Variants in CFAP43 observed in about 807,000 individuals in gnomAD.
CFAP43 encodes cilia and flagella associated protein 43.
A neutral mutation model predicts 218.9 loss-of-function variants in CFAP43; 155 were observed. The ratio of observed to expected loss-of-function variants is 0.71; its 90% CI spans 0.62 to 0.81. CFAP43 has a LOEUF of 0.81. CFAP43 is among the 30% of genes least tolerant of loss of function. The probability of loss-of-function intolerance (pLI) is 0.00; values close to 1 mark genes in which losing one functional copy is unlikely to be tolerated. For synonymous variants in CFAP43, 645 were observed against 681.3 expected, an observed-to-expected ratio of 0.95 and a Z score of 0.83; for missense variants, 1,778 against 1,954.3, an observed-to-expected ratio of 0.91 and a Z score of 1.70.
intron 33 of CFAP43, 70 bp from the exon 34 acceptor site, chr10:104,141,071 TA>T: frequency 6.9e-7 from 1 of 1,459,794 alleles, no homozygotes; most frequent in African/African-American, 1.4e-5. Context: ...TCTGAGAATA[TA>T]AAAATCGAAT....
chr10:104,198,182 C>T, intron 8 of CFAP43, 144 bp from the exon 9 acceptor site: 1 of 469,238 alleles, frequency 2.1e-6, no homozygotes, highest in Non-Finnish European at 3.8e-6. Context: ...AAGACCTTGA[C>T]CCTGAAGGGC....
At chr10:104,144,195 C>T (rs1269864838) in intron 31 of CFAP43, among the ~76,000 whole-genome samples, 1 of 152,192 alleles carries the variant, frequency 6.6e-6, no homozygotes, top group African/African-American at 2.4e-5. Flanking sequence ...GAGAGAAGCT[C>T]ATGGCCCAAG....
At chr10:104,229,073 A>C (rs753698741) in intron 2 of CFAP43, among the ~76,000 whole-genome samples, 1 of 152,210 alleles carries the variant, frequency 6.6e-6, no homozygotes, top group Non-Finnish European at 1.5e-5. Flanking sequence ...GGAAATTTTA[A>C]AGATAAAGGG....
In CFAP43 at chr10:104,140,991, C is replaced by G; in HGVS notation, c.4282G>C (p.Glu1428Gln). Residue 1428 changes from glutamate to glutamine, a missense_variant, in exon 34 of 38, where the codon GAG becomes CAG. Glu to Gln is a conservative substitution (Grantham distance 29). Transcript: ENST00000357060. ...VFHELILLQE[E>Q]KVRFQLNLTI... Reference sequence around the variant, plus strand: ...AAATTCAACTGGAATCTCACTTTCTCTTCCTGTAATCTGAATTGAAAAGTA... The same window carrying G: ...AAATTCAACTGGAATCTCACTTTCTGTTCCTGTAATCTGAATTGAAAAGTA... The G allele has an allele frequency of 6.2e-7, 1 of 1,610,368 alleles. No individual in the cohort carries two copies. The highest frequency in any genetic ancestry group is 8.5e-7 in the Non-Finnish European group (1 of 1,178,596).
intron 11 of CFAP43, chr10:104,192,587 G>A: frequency 3.0e-6 from 1 of 334,206 alleles, no homozygotes. Flanking sequence ...ATGTCTGTCG[G>A]TAGAGCTTTC....
intron 17 of CFAP43, among the ~76,000 whole-genome samples, chr10:104,181,154 C>A (rs1010686339): frequency 6.6e-6 from 1 of 152,116 alleles, no homozygotes. Flanking sequence ...CATAGCTGCC[C>A]CCTTCCCCCA....
chr10:104,188,127 G>A, intron 13 of CFAP43, 143 bp downstream of exon 13: 1 of 1,022,376 alleles, frequency 9.8e-7, no homozygotes, highest in Non-Finnish European at 1.4e-6. Flanking sequence ...TGTTTAGCAT[G>A]TTGGTTTTAC....
intron 17 of CFAP43, among the ~76,000 whole-genome samples, chr10:104,181,644 G>A (rs907873771): frequency 3.3e-5 from 5 of 152,110 alleles, no homozygotes; most frequent in African/African-American, 1.2e-4. Context: ...CAACTGCACA[G>A]GTCTTTTTTA....
intron 27 of CFAP43, among the ~76,000 whole-genome samples, chr10:104,158,392 C>T (rs1589664643): frequency 6.6e-6 from 1 of 152,224 alleles, no homozygotes; most frequent in Non-Finnish European, 1.5e-5. Flanking sequence ...AAATCTGGAA[C>T]CTCCTGATAC....
intron 19 of CFAP43, among the ~76,000 whole-genome samples, chr10:104,175,338 A>T (rs789208): frequency 0.48 from 72,296 of 151,866 alleles, 18,308 homozygotes; most frequent in African/African-American, 0.67. Flanking sequence ...GGTGAGAGGA[A>T]TGCTTGAGCC....
In CFAP43 at chr10:104,162,000, T is replaced by C; in HGVS notation, c.3375A>G (p.Gly1125=). 7 of 1,613,790 alleles carry C rather than the reference T, an allele frequency of 4.3e-6. No individual in the cohort carries two copies. Among genetic ancestry groups the C allele is most frequent in the African/African-American group, 1.3e-5 (1 of 75,004 alleles). The part of the protein sequence containing the change: ...TRLRALMDMM[G]GVLEVKKEDI... Reference sequence around the variant, plus strand: ...CTTCCTTCTTGACTTCCAGAACTCCTCCCATCATGTCCATCAGAGCTCGGA... The same window carrying C: ...CTTCCTTCTTGACTTCCAGAACTCCCCCCATCATGTCCATCAGAGCTCGGA... The change falls in exon 26 of 38, where the codon GGA becomes GGG. Residue 1125 remains glycine, a synonymous_variant. Coordinates refer to ENST00000357060, the MANE Select transcript of CFAP43 (RefSeq NM_025145.7).
chr10:104,163,287 A>G (rs1243386990), intron 24 of CFAP43, among the ~76,000 whole-genome samples: 1 of 152,200 alleles, frequency 6.6e-6, no homozygotes, highest in Non-Finnish European at 1.5e-5. Context: ...ACTTACAATG[A>G]TAAATTCATT....
chr10:104,179,535 C>T (rs1426537124), intron 18 of CFAP43, among the ~76,000 whole-genome samples: 2 of 152,292 alleles, frequency 1.3e-5, no homozygotes, highest in Non-Finnish European at 1.5e-5. Flanking sequence ...ACAAGCATCC[C>T]CTAAAACTCA....
chr10:104,197,287 A>C (rs2090407788), intron 9 of CFAP43, among the ~76,000 whole-genome samples: 1 of 152,174 alleles, frequency 6.6e-6, no homozygotes, highest in Non-Finnish European at 1.5e-5. Flanking sequence ...AAATTACTAG[A>C]ACTTATTTTT....
chr10:104,143,901 A>C (rs775063876), intron 31 of CFAP43, among the ~76,000 whole-genome samples: 1 of 152,220 alleles, frequency 6.6e-6, no homozygotes, highest in Non-Finnish European at 1.5e-5. Context: ...TGTCTGTGCT[A>C]GGACACATTT....
intron 33 of CFAP43, among the ~76,000 whole-genome samples, chr10:104,141,819 T>C (rs1300139955): frequency 6.6e-6 from 1 of 152,146 alleles, no homozygotes; most frequent in South Asian, 2.1e-4. Context: ...GATGAGGCTA[T>C]AAATATAGCC....
At chr10:104,186,265 A>G (rs1330877365) in intron 14 of CFAP43, 142 bp from the exon 15 acceptor site, 1 of 663,922 alleles carries the variant, frequency 1.5e-6, no homozygotes, top group Non-Finnish European at 2.3e-6. Flanking sequence ...CATTGTAAAT[A>G]AATGGATATA....
chr10:104,198,430 C>T lies in CFAP43; in HGVS notation c.1096-392G>A, dbSNP rs562756735. On this transcript the variant is annotated intron_variant, in intron 8 of 37. Coordinates refer to ENST00000357060, the MANE Select transcript of CFAP43 (RefSeq NM_025145.7). Reference sequence around the variant, plus strand: ...CTGAGTAGCTGGGATTACAGGCATGCGCCACCACGCCCGGCTAATTTTGTA... The same window carrying T: ...CTGAGTAGCTGGGATTACAGGCATGTGCCACCACGCCCGGCTAATTTTGTA... Among the ~76,000 whole-genome samples the T allele has an allele frequency of 1.1e-4, 17 of 151,936 alleles. No homozygotes were observed. In the South Asian group the frequency reaches 2.5e-3, roughly 22 times the overall value.
At chr10:104,144,951 A>G (rs554371399) in intron 31 of CFAP43, among the ~76,000 whole-genome samples, 2 of 152,234 alleles carry the variant, frequency 1.3e-5, no homozygotes, top group Non-Finnish European at 2.9e-5. Context: ...TGGTCAAATA[A>G]GTTTGGAAAA....
Sources: allele counts gnomAD v4.1 joint callset (sites outside exome capture counted in the v4.1 genomes callset), GRCh38; gene constraint gnomAD v4.1.1; transcripts MANE v1.5; gene names NCBI Gene and HGNC (gene_info 2026-07-23, HGNC 2026-07-21).